MGST2: variants seen among roughly 807,000 people sequenced by gnomAD.
MGST2 encodes the protein microsomal glutathione S-transferase 2.
In MGST2, 9 loss-of-function variants were observed where a neutral mutation model predicts 16.6. The observed-to-expected ratio is 0.54, with a 90% CI of 0.33 to 0.95. MGST2 has a LOEUF of 0.95. Ranked by LOEUF, MGST2 falls within the 40% of genes least tolerant of loss-of-function variation. The probability of loss-of-function intolerance (pLI) is 0.03; values close to 1 mark genes in which losing one functional copy is unlikely to be tolerated. For synonymous variants in MGST2, 79 were observed against 68.0 expected (o/e 1.16, Z -0.79); for missense variants, 159 against 175.1 (o/e 0.91, Z 0.52).
At chr4:139,702,259 A>C (rs1727289598) in intron 3 of MGST2, among the ~76,000 whole-genome samples, 1 of 152,204 alleles carries the variant, frequency 6.6e-6, no homozygotes, top group African/African-American at 2.4e-5. Flanking sequence ...AGAAGTACAC[A>C]CACCTGTGTG....
chr4:139,729,224 G>T (rs1208894820), intron 5 of MGST2, among the ~76,000 whole-genome samples: 1 of 150,922 alleles, frequency 6.6e-6, no homozygotes, highest in Non-Finnish European at 1.5e-5. Context: ...TTTTCTCTTT[G>T]GGGGATGCCT....
rs566128946 is a variant in MGST2 at position 139,718,985 on chromosome 4, C to T, written c.*48+14789C>T. 1.3e-3 allele frequency: 340 copies of T among 255,332 alleles called. 2 individuals are homozygous for T. The highest frequency in any genetic ancestry group is 7.3e-3 in the South Asian group (100 of 13,706). The allele number at this position is 255,332 out of a possible 1,614,324, so 15.8% of individuals were successfully genotyped here. A position where few individuals can be genotyped will look rare whatever the true frequency, so the allele number is the denominator to read the frequency against. The stretch of plus-strand genomic sequence containing the variant: ...ACCTCTCTTGGGTAATAGTCCCTCT[C>T]GGCTGAAGCAGCTCCTGCTGGGCCA... On this transcript the variant is annotated intron_variant, in intron 5 of 5. Transcript: ENST00000616265.
In MGST2 at chr4:139,666,117, C is replaced by CGT. The variant is rs1553943707; in HGVS notation, c.58+56_58+57dup. 1,473 of 1,024,474 alleles carry CGT rather than the reference C, an allele frequency of 1.4e-3. 1 individual carries two copies. Among genetic ancestry groups the CGT allele is most frequent in the Middle Eastern group, 4.2e-3 (11 of 2,646 alleles). The allele number at this position is 1,024,474 out of a possible 1,614,324, so 63.5% of individuals were successfully genotyped here. ...AAGTTCGTGTGTGTGCGCGTGTGTGCGTGTGTGTGTGTGTGTGACAAGGCT... is the reference window on the plus strand; with the variant it reads ...AAGTTCGTGTGTGTGCGCGTGTGTGCGTGTGTGTGTGTGTGTGTGACAAGGCT... On this transcript the variant is annotated intron_variant, in intron 1 of 4. Coordinates refer to ENST00000265498, the MANE Select transcript of MGST2 (RefSeq NM_002413.5).
intron 1 of MGST2, among the ~76,000 whole-genome samples, chr4:139,677,642 C>T (rs1017315282): frequency 2.0e-5 from 3 of 151,918 alleles, no homozygotes; most frequent in African/African-American, 7.2e-5. Flanking sequence ...GCTGGGATTA[C>T]AGGCATGCAC....
chr4:139,737,004 T>C (rs1728971262), intron 5 of MGST2, among the ~76,000 whole-genome samples: 2 of 152,158 alleles, frequency 1.3e-5, no homozygotes, highest in Non-Finnish European at 2.9e-5. Flanking sequence ...AAGGAGCCCA[T>C]GGCTGAAAGG....
the MGST2 span, among the ~76,000 whole-genome samples, chr4:139,750,225 C>G: frequency 1.3e-5 from 2 of 152,174 alleles, no homozygotes; most frequent in Admixed American, 6.5e-5. Context: ...CCCATAGCTC[C>G]AAGTGACAGG....
the MGST2 span, among the ~76,000 whole-genome samples, chr4:139,748,817 C>G: frequency 6.6e-6 from 1 of 152,202 alleles, no homozygotes. Flanking sequence ...AAGGTCTCAG[C>G]CTGACCAGGT....
intron 1 of MGST2, among the ~76,000 whole-genome samples, chr4:139,678,220 T>G (rs1427195333): frequency 6.6e-6 from 1 of 152,232 alleles, no homozygotes; most frequent in Admixed American, 6.5e-5. Context: ...CCCTACAGTA[T>G]GGACATACAA....
intron 3 of MGST2, among the ~76,000 whole-genome samples, chr4:139,695,756 T>TC (rs1279905789): frequency 6.6e-6 from 1 of 152,146 alleles, no homozygotes; most frequent in Non-Finnish European, 1.5e-5. Context: ...TTTAATTCAA[T>TC]AATGAAAAAA....
At position 139,674,065 on chromosome 4, in the gene MGST2, A is replaced by C. The variant is rs189351274; in HGVS notation, c.59-4478A>C. Reference sequence around the variant, plus strand: ...AAAACTTGGGTCAGCAGAAAGAAATATTAAGGTTCTAAGCTAAAAAGTATC... The same window carrying C: ...AAAACTTGGGTCAGCAGAAAGAAATCTTAAGGTTCTAAGCTAAAAAGTATC... On this transcript the variant is annotated intron_variant, in intron 1 of 4. Coordinates refer to ENST00000265498, the MANE Select transcript of MGST2 (RefSeq NM_002413.5). Among the ~76,000 whole-genome samples the C allele has an allele frequency of 2.0e-3, 302 of 152,308 alleles. 2 individuals are homozygous for C. Among genetic ancestry groups the C allele is most frequent in the Non-Finnish European group, 1.4e-3 (92 of 68,024 alleles).
chr4:139,708,587 C>A (rs1052449797), downstream of MGST2, among the ~76,000 whole-genome samples: 40 of 152,150 alleles, frequency 2.6e-4, no homozygotes, highest in African/African-American at 7.9e-4. Context: ...TAGTTTTTTC[C>A]AATTCTGTGA....
In MGST2 at chr4:139,715,062, A is replaced by C. The variant is rs752638514; in HGVS notation, c.*48+10866A>C. ...CCGAAGAGGGGCCTCTAACCCGCTA[A>C]ATCTTAGAAGGGACTCTAACTCTCC... is the stretch of plus-strand genomic sequence containing the variant. On this transcript the variant is annotated intron_variant, in intron 5 of 5. Coordinates refer to the MGST2 transcript ENST00000616265. The surrounding 1 kb of genome is among the most constrained non-coding windows in gnomAD (Gnocchi z 4.4). Among the ~76,000 whole-genome samples, 2 of 152,154 alleles carry C rather than the reference A, an allele frequency of 1.3e-5. No individual in the cohort carries two copies. The highest frequency in any genetic ancestry group is 2.4e-5 in the African/African-American group (1 of 41,428).
chr4:139,751,788 C>T, the MGST2 span, among the ~76,000 whole-genome samples: 1 of 152,138 alleles, frequency 6.6e-6, no homozygotes, highest in East Asian at 1.9e-4. Flanking sequence ...ACAATTTTGC[C>T]CACAGCAAGC....
chr4:139,712,502 G>A (rs1341210874), intron 5 of MGST2, among the ~76,000 whole-genome samples: 7 of 152,190 alleles, frequency 4.6e-5, no homozygotes, highest in Admixed American at 6.5e-5. Flanking sequence ...ATAAAGTACA[G>A]CAAGGATAAT....
At chr4:139,685,042 G>A (rs969357380) in intron 2 of MGST2, 1 of 152,336 alleles carries the variant, frequency 6.6e-6, no homozygotes, top group Non-Finnish European at 1.5e-5. Context: ...GCTTCTTTTG[G>A]TTCTGGGGTA....
chr4:139,740,586 CTT>C (rs1389985091), exon 6 of MGST2: 5 of 152,144 alleles, frequency 3.3e-5, no homozygotes. Flanking sequence ...GCCTTTCTCT[CTT>C]ATTGTACCCA....
At chr4:139,753,461 T>C in the MGST2 span, among the ~76,000 whole-genome samples, 2 of 152,132 alleles carry the variant, frequency 1.3e-5, no homozygotes, top group African/African-American at 2.4e-5. Flanking sequence ...TTAATATGCA[T>C]GATGGAGAAA....
intron 5 of MGST2, among the ~76,000 whole-genome samples, chr4:139,732,467 T>A (rs1728763350): frequency 6.6e-6 from 1 of 152,074 alleles, no homozygotes; most frequent in Non-Finnish European, 1.5e-5. Flanking sequence ...AAAACGCTAC[T>A]CCTCTTACCC....
At chr4:139,693,829 C>A (rs1726759786) in intron 2 of MGST2, among the ~76,000 whole-genome samples, 2 of 152,194 alleles carry the variant, frequency 1.3e-5, no homozygotes, top group Non-Finnish European at 1.5e-5. Context: ...AAGAAGAAAG[C>A]AATTTTGCAT....
Sources: allele counts gnomAD v4.1 joint callset (sites outside exome capture counted in the v4.1 genomes callset), GRCh38; gene constraint gnomAD v4.1.1; non-coding constraint Gnocchi (gnomAD v3.1); transcripts MANE v1.5; gene names NCBI Gene and HGNC (gene_info 2026-07-23, HGNC 2026-07-21).